Variants in STK3 observed in about 807,000 individuals in gnomAD.
The protein encoded by STK3 is serine/threonine-protein kinase 3.
Under a neutral mutation model 58.0 loss-of-function variants are expected in STK3, and 41 were observed. The ratio of observed to expected loss-of-function variants is 0.71; its 90% CI spans 0.55 to 0.92. The LOEUF is 0.92. Ranked by LOEUF, STK3 falls within the 40% of genes least tolerant of loss-of-function variation. STK3 has a pLI of 0.00. For synonymous variants in STK3, 170 were observed against 191.0 expected, an observed-to-expected ratio of 0.89 and a Z score of 0.91; for missense variants, 479 against 602.7, an observed-to-expected ratio of 0.79 and a Z score of 2.15.
the STK3 span, among the ~76,000 whole-genome samples, chr8:98,358,732 G>A: frequency 3.3e-5 from 5 of 152,166 alleles, no homozygotes; most frequent in African/African-American, 1.2e-4. Context: ...AGGCAGAAAT[G>A]CTATTGTTTT....
intron 3 of STK3, among the ~76,000 whole-genome samples, chr8:98,865,397 G>T (rs1837096707): frequency 6.6e-6 from 1 of 151,726 alleles, no homozygotes. Flanking sequence ...TTAAAGATAG[G>T]GTCTCACTCT....
intron 1 of STK3, among the ~76,000 whole-genome samples, chr8:98,940,712 C>T (rs1258082171): frequency 1.3e-5 from 2 of 152,242 alleles, no homozygotes; most frequent in Non-Finnish European, 2.9e-5. Flanking sequence ...TCTGCGCCGC[C>T]CCGCACGCGA....
At chr8:98,470,077 T>TA (rs1820804381) in intron 10 of STK3, among the ~76,000 whole-genome samples, 1 of 152,178 alleles carries the variant, frequency 6.6e-6, no homozygotes. Flanking sequence ...AAAGCATTCT[T>TA]AGACAAGAAC....
upstream of STK3, among the ~76,000 whole-genome samples, chr8:98,390,740 C>A (rs2131012443): frequency 6.6e-6 from 1 of 151,736 alleles, no homozygotes; most frequent in Admixed American, 6.6e-5. Context: ...TGGGTTTTTT[C>A]TCTGTTTTTT....
At chr8:98,518,698 C>T (rs989635942) in intron 10 of STK3, among the ~76,000 whole-genome samples, 2 of 152,124 alleles carry the variant, frequency 1.3e-5, no homozygotes, top group Admixed American at 6.6e-5. Flanking sequence ...CATGACACAA[C>T]TGTGCACACG....
chr8:98,391,148 G>T (rs1817845280), upstream of STK3, among the ~76,000 whole-genome samples: 1 of 152,184 alleles, frequency 6.6e-6, no homozygotes, highest in South Asian at 2.1e-4. Context: ...GAGACTTTGT[G>T]TCTTGCTTAA....
downstream of STK3, among the ~76,000 whole-genome samples, chr8:98,451,536 T>A (rs1819197992): frequency 6.6e-6 from 1 of 152,124 alleles, no homozygotes; most frequent in Admixed American, 6.6e-5. Flanking sequence ...CTTTATCAAG[T>A]GAAGAAAGTG....
chr8:98,767,095 T>A, intron 3 of STK3, 148 bp downstream of exon 3: 1 of 944,288 alleles, frequency 1.1e-6, no homozygotes, highest in Non-Finnish European at 1.5e-6. Flanking sequence ...CACTCCAGCC[T>A]GGGCAACAAC....
At chr8:98,575,466 T>C (rs1364508576) in intron 8 of STK3, among the ~76,000 whole-genome samples, 1 of 151,038 alleles carries the variant, frequency 6.6e-6, no homozygotes, top group African/African-American at 2.4e-5. Flanking sequence ...TATCACAGCA[T>C]TTTCATCACC....
intron 3 of STK3, among the ~76,000 whole-genome samples, chr8:98,421,826 T>A (rs1818177888): frequency 6.6e-6 from 1 of 152,150 alleles, no homozygotes; most frequent in East Asian, 1.9e-4. Context: ...TGTCTCAGGA[T>A]GTCCTGAGGA....
downstream of STK3, among the ~76,000 whole-genome samples, chr8:98,400,930 G>A (rs1010040550): frequency 1.3e-5 from 2 of 151,980 alleles, no homozygotes; most frequent in Non-Finnish European, 2.9e-5. Context: ...GTTCATTCCA[G>A]AACTTTGCAA....
intron 1 of STK3, among the ~76,000 whole-genome samples, chr8:98,893,313 G>A (rs542631811): frequency 7.3e-5 from 11 of 151,294 alleles, no homozygotes; most frequent in South Asian, 6.3e-4. Flanking sequence ...TGCCTGAACC[G>A]AGGAGGTGGA....
At chr8:98,479,144 C>A (rs763900005) in intron 10 of STK3, among the ~76,000 whole-genome samples, 6 of 151,744 alleles carry the variant, frequency 4.0e-5, no homozygotes, top group Non-Finnish European at 7.4e-5. Context: ...TCTCTTTCTG[C>A]GTGATAGTGC....
intron 10 of STK3, among the ~76,000 whole-genome samples, chr8:98,508,736 T>C (rs1206128189): frequency 2.0e-5 from 3 of 152,130 alleles, no homozygotes. Flanking sequence ...GGGAAAATTA[T>C]GGGAAAACAA....
At chr8:98,346,160 C>T in the STK3 span, among the ~76,000 whole-genome samples, 1 of 151,766 alleles carries the variant, frequency 6.6e-6, no homozygotes. Context: ...TCTTGGGTGC[C>T]TGTAATCCCA....
intron 1 of STK3, among the ~76,000 whole-genome samples, chr8:98,446,652 T>C (rs1242465047): frequency 6.6e-6 from 1 of 152,156 alleles, no homozygotes; most frequent in African/African-American, 2.4e-5. Flanking sequence ...GCTTATATAC[T>C]GTTGGTGAGA....
At chr8:98,924,935 A>G (rs942984191) in intron 1 of STK3, among the ~76,000 whole-genome samples, 10 of 152,176 alleles carry the variant, frequency 6.6e-5, no homozygotes, top group African/African-American at 2.4e-4. Flanking sequence ...ACGGTATGGT[A>G]CCAACAAGAA....
intron 7 of STK3, among the ~76,000 whole-genome samples, chr8:98,592,560 C>T (rs1815407172): frequency 6.6e-6 from 1 of 151,774 alleles, no homozygotes; most frequent in East Asian, 1.9e-4. Context: ...GACCTTTCTA[C>T]TAGTTTGTCA....
At chr8:98,736,514 T>G (rs996094358) in intron 4 of STK3, among the ~76,000 whole-genome samples, 2 of 152,178 alleles carry the variant, frequency 1.3e-5, no homozygotes, top group Non-Finnish European at 2.9e-5. Flanking sequence ...GCTAAAAAAT[T>G]TGAACTTAAA....
Sources: allele counts gnomAD v4.1 joint callset (sites outside exome capture counted in the v4.1 genomes callset), GRCh38; gene constraint gnomAD v4.1.1; transcripts MANE v1.5; gene names NCBI Gene and HGNC (gene_info 2026-07-23, HGNC 2026-07-21).